The following SHC3 variants were observed in gnomAD, a reference collection of about 807,000 sequenced individuals.
SHC3 encodes SHC adaptor protein 3, also known as SHC-transforming protein 3.
A neutral mutation model predicts 60.4 loss-of-function variants in SHC3; 15 were observed. That is an observed-to-expected ratio of 0.25 (90% CI 0.17 to 0.38). The LOEUF (loss-of-function observed/expected upper bound fraction) is 0.38, where lower values mean the gene tolerates loss of function less well. Ranked by LOEUF, SHC3 falls within the 10% of genes least tolerant of loss-of-function variation. The probability of loss-of-function intolerance (pLI) is 1.00; values close to 1 mark genes in which losing one functional copy is unlikely to be tolerated. For synonymous variants in SHC3, 294 were observed against 325.9 expected (o/e 0.90, Z 1.05); for missense variants, 677 against 786.1 (o/e 0.86, Z 1.66).
At chr9:89,044,078 A>G (rs1824734430) in intron 9 of SHC3, among the ~76,000 whole-genome samples, 1 of 152,230 alleles carries the variant, frequency 6.6e-6, no homozygotes, top group South Asian at 2.1e-4. Flanking sequence ...GAATATATCA[A>G]AAACAAGGCC....
Position 89,157,579 on chromosome 9 carries a change from G to T in SHC3, c.474+20408C>A, listed in dbSNP as rs144477280. 3.2e-4 allele frequency among the ~76,000 whole-genome samples: 49 copies of T among 152,218 alleles called. 1 individual carries two copies. The East Asian group carries it at 8.9e-3, about 28-fold the overall frequency. ...ATTGGCAACAAGAAACTAATATATT[G>T]CCAAAATGTTTTTTTAATTTTTGTC... is the stretch of plus-strand genomic sequence containing the variant. On this transcript the variant is annotated intron_variant, in intron 1 of 11. Coordinates refer to ENST00000375835, the MANE Select transcript of SHC3 (RefSeq NM_016848.6).
intron 9 of SHC3, among the ~76,000 whole-genome samples, chr9:89,044,317 G>C (rs1722904140): frequency 6.6e-6 from 1 of 152,222 alleles, no homozygotes; most frequent in Non-Finnish European, 1.5e-5. Context: ...AGAACATGTG[G>C]TGGCTTCTGC....
At chr9:89,089,718 C>A (rs1249388704) in intron 2 of SHC3, among the ~76,000 whole-genome samples, 2 of 152,188 alleles carry the variant, frequency 1.3e-5, no homozygotes, top group Non-Finnish European at 2.9e-5. Context: ...GCTTCAGAGC[C>A]ACTTTTTCCC....
chr9:89,116,857 T>C (rs1003704320), intron 1 of SHC3, among the ~76,000 whole-genome samples: 1 of 152,164 alleles, frequency 6.6e-6, no homozygotes, highest in African/African-American at 2.4e-5. Flanking sequence ...GTGCTGTTTA[T>C]ACCACATCCA....
At chr9:89,084,844 C>G (rs1017708184) in intron 2 of SHC3, among the ~76,000 whole-genome samples, 14 of 152,200 alleles carry the variant, frequency 9.2e-5, no homozygotes, top group African/African-American at 3.4e-4. Context: ...TGCCATGTCT[C>G]TCAGATGAGC....
chr9:89,029,163 T>C (rs1252957404), intron 11 of SHC3, among the ~76,000 whole-genome samples: 3 of 151,788 alleles, frequency 2.0e-5, no homozygotes, highest in African/African-American at 4.8e-5. Context: ...CCAGAAGGTC[T>C]ACTCCCTCAA....
At position 89,052,041 on chromosome 9, in the gene SHC3, C is replaced by A; in HGVS notation, c.958G>T (p.Asp320Tyr). The change falls in exon 7 of 12, where the codon GAT (aspartate) becomes TAT (tyrosine). Residue 320 changes from aspartate to tyrosine, a missense_variant. Physicochemically the swap from Asp to Tyr is radical, Grantham distance 160. Transcript: ENST00000375835. Reference protein sequence around the residue: ...QCPTKIPALHDRMQSLDEPWT... With the variant: ...QCPTKIPALHYRMQSLDEPWT... The stretch of plus-strand genomic sequence containing the variant: ...TGGTGTCACAGCACTACTCACCGAT[C>A]ATGGAGAGCGGGAATCTTGGTAGGA... The A allele has an allele frequency of 1.9e-6, 3 of 1,613,710 alleles. No individual in the cohort carries two copies. The highest frequency in any genetic ancestry group is 2.5e-6 in the Non-Finnish European group (3 of 1,179,748).
At chr9:89,109,031 A>G in intron 2 of SHC3, 3 of 984,874 alleles carry the variant, frequency 3.0e-6, no homozygotes, top group Non-Finnish European at 3.6e-6. Flanking sequence ...TGAGGTTCCA[A>G]GGAGGCCTGA....
chr9:89,052,132 C>T lies in SHC3; in HGVS notation c.867G>A (p.Leu289=). 6.2e-7 allele frequency: 1 copy of T among 1,614,060 alleles called. No individual in the cohort carries two copies. Among genetic ancestry groups the T allele is most frequent in the African/African-American group, 1.3e-5 (1 of 75,058 alleles). The change falls in exon 7 of 12, where the codon CTG becomes CTA. Residue 289 remains leucine, a synonymous_variant. Coordinates refer to ENST00000375835, the MANE Select transcript of SHC3 (RefSeq NM_016848.6). ...ACHILECCDG[L]AQDVIGSIGQ... The stretch of plus-strand genomic sequence containing the variant: ...CGATGGAGCCGATGACATCCTGGGC[C>T]AGCCCATCACAGCATTCCAAAATGT...
chr9:89,032,444 C>T (rs962479398), intron 11 of SHC3, among the ~76,000 whole-genome samples: 9 of 152,158 alleles, frequency 5.9e-5, no homozygotes, highest in African/African-American at 1.7e-4. Flanking sequence ...GTGCCCACCT[C>T]GCTTAGCTGG....
intron 4 of SHC3, among the ~76,000 whole-genome samples, chr9:89,074,716 A>G (rs1339566125): frequency 2.4e-5 from 3 of 123,932 alleles, no homozygotes; most frequent in South Asian, 2.7e-4. Flanking sequence ...AAAAAAAAAA[A>G]TCACCAATTA....
At chr9:89,059,340 G>A (rs1265645401) in intron 6 of SHC3, among the ~76,000 whole-genome samples, 1 of 142,326 alleles carries the variant, frequency 7.0e-6, no homozygotes, top group Non-Finnish European at 1.5e-5. Flanking sequence ...TGGTGGTGGA[G>A]GACGGTGGTG....
intron 9 of SHC3, among the ~76,000 whole-genome samples, chr9:89,044,916 A>G (rs1470042395): frequency 1.3e-5 from 2 of 152,222 alleles, no homozygotes; most frequent in Admixed American, 1.3e-4. Flanking sequence ...AGAGACGTAT[A>G]TCCCTGGTGC....
At chr9:89,131,985 G>T (rs908023036) in intron 1 of SHC3, among the ~76,000 whole-genome samples, 3 of 152,184 alleles carry the variant, frequency 2.0e-5, no homozygotes, top group African/African-American at 7.2e-5. Flanking sequence ...GTTTGCAGAT[G>T]ACGTGATTGT....
intron 1 of SHC3, among the ~76,000 whole-genome samples, chr9:89,169,147 T>C (rs1436759661): frequency 1.3e-5 from 2 of 152,120 alleles, no homozygotes; most frequent in Admixed American, 1.3e-4. Context: ...ACTAATACTA[T>C]TAAAAACAAC....
intron 11 of SHC3, among the ~76,000 whole-genome samples, chr9:89,018,099 T>A (rs904765612): frequency 6.6e-6 from 1 of 152,206 alleles, no homozygotes; most frequent in Non-Finnish European, 1.5e-5. Context: ...CTCAAAGATC[T>A]AGAACCAGAA....
rs565271011 is a variant in SHC3 at position 89,153,087 on chromosome 9, G to T, written c.474+24900C>A. 2.6e-5 allele frequency among the ~76,000 whole-genome samples: 4 copies of T among 152,214 alleles called. No individual in the cohort carries two copies. The South Asian group carries it at 6.2e-4, about 24-fold the overall frequency. ...ATGTGTGTATAAATATGTGCTCGTT[G>T]AGCTGATTATTTAAGGTTTTGTGGT... On this transcript the variant is annotated intron_variant, in intron 1 of 11. Transcript: ENST00000375835.
At chr9:89,054,608 C>A (rs1009139807) in intron 6 of SHC3, among the ~76,000 whole-genome samples, 2 of 152,240 alleles carry the variant, frequency 1.3e-5, no homozygotes, top group African/African-American at 4.8e-5. Context: ...ATCCAGCCTG[C>A]TGGGCTTCAC....
intron 5 of SHC3, among the ~76,000 whole-genome samples, chr9:89,067,316 T>C (rs562625184): frequency 1.3e-5 from 2 of 152,238 alleles, no homozygotes; most frequent in Admixed American, 6.5e-5. Context: ...CTGAAATTCA[T>C]AGAACCCTAG....
Sources: allele counts gnomAD v4.1 joint callset (sites outside exome capture counted in the v4.1 genomes callset), GRCh38; gene constraint gnomAD v4.1.1; transcripts MANE v1.5; gene names NCBI Gene and HGNC (gene_info 2026-07-23, HGNC 2026-07-21).